The following CLSTN2 variants were observed in gnomAD, a reference collection of about 807,000 sequenced individuals.
CLSTN2 encodes the protein calsyntenin 2.
CLSTN2 carries 48 observed loss-of-function variants against 101.2 expected under a neutral mutation model. That is an observed-to-expected ratio of 0.47 (90% CI 0.38 to 0.60). The LOEUF is 0.60. Ranked by LOEUF, CLSTN2 falls within the 20% of genes least tolerant of loss-of-function variation. The pLI, the probability that CLSTN2 is intolerant of heterozygous loss-of-function variation, is 0.00. For missense variants in CLSTN2, 1,160 were observed against 1,238.2 expected, an observed-to-expected ratio of 0.94 and a Z score of 0.95; for synonymous variants, 481 against 463.6, an observed-to-expected ratio of 1.04 and a Z score of -0.48.
chr3:140,476,983 G>C (rs1934002164), intron 8 of CLSTN2, among the ~76,000 whole-genome samples: 1 of 152,136 alleles, frequency 6.6e-6, no homozygotes, highest in African/African-American at 2.4e-5. Context: ...TTGAAGCAAA[G>C]ATCACCTCGC....
chr3:140,200,771 C>A (rs2010708661), intron 2 of CLSTN2, among the ~76,000 whole-genome samples: 1 of 151,944 alleles, frequency 6.6e-6, no homozygotes, highest in African/African-American at 2.4e-5. Context: ...TTATTGAGTC[C>A]CTTGCTGGTC....
intron 2 of CLSTN2, among the ~76,000 whole-genome samples, chr3:140,188,658 T>C (rs1013387487): frequency 2.0e-5 from 3 of 152,212 alleles, no homozygotes; most frequent in African/African-American, 4.8e-5. Context: ...AAGAGACTGA[T>C]GCTACCCAGC....
chr3:140,459,579 T>C lies in CLSTN2; in HGVS notation c.1032T>C (p.Thr344=), dbSNP rs1472916279. ...CCCCTAGCGCTGCCACCAACTGGAC[T>C]GCAGGACTGCTGGTGGACAGCAGTG... ...LPSPSAATNW[T]AGLLVDSSEM... The change falls in exon 7 of 17, where the codon ACT becomes ACC. Residue 344 remains threonine (T), a synonymous_variant. Coordinates refer to ENST00000458420, the MANE Select transcript of CLSTN2 (RefSeq NM_022131.3). 6 of 1,614,030 alleles carry C rather than the reference T, an allele frequency of 3.7e-6. No homozygotes were observed. The African/African-American group carries it at 8.0e-5, about 22-fold the overall frequency.
At chr3:140,095,857 T>G (rs1560093162) in intron 1 of CLSTN2, among the ~76,000 whole-genome samples, 1 of 152,130 alleles carries the variant, frequency 6.6e-6, no homozygotes. Context: ...AAATTAGTGT[T>G]AGGACGCGCA....
At chr3:140,184,297 T>C (rs2010453842) in intron 2 of CLSTN2, among the ~76,000 whole-genome samples, 1 of 152,210 alleles carries the variant, frequency 6.6e-6, no homozygotes, top group Non-Finnish European at 1.5e-5. Context: ...TCCCTGAGAC[T>C]GGGTAACTTA....
chr3:140,448,565 C>T lies in CLSTN2; in HGVS notation c.834C>T (p.Pro278=). 1.4e-5 allele frequency: 23 copies of T among 1,614,038 alleles called. No individual in the cohort carries two copies. The highest frequency in any genetic ancestry group is 1.6e-4 in the Middle Eastern group (1 of 6,062). The change falls in exon 6 of 17, where the codon CCC becomes CCT. Residue 278 remains proline, a synonymous_variant. Transcript: ENST00000458420. ...IEYQPGSGSM[P]LFPSIHLETC... Reference sequence around the variant, plus strand: ...ACCAGCCTGGCTCCGGGAGCATGCCCCTGTTCCCCAGCATCCACCTGGAGA... The same window carrying T: ...ACCAGCCTGGCTCCGGGAGCATGCCTCTGTTCCCCAGCATCCACCTGGAGA...
intron 1 of CLSTN2, among the ~76,000 whole-genome samples, chr3:140,081,294 G>T (rs530411171): frequency 6.6e-6 from 1 of 152,094 alleles, no homozygotes; most frequent in Non-Finnish European, 1.5e-5. Context: ...GAATACGAAA[G>T]TATTGACAGC....
chr3:140,312,287 A>G (rs896430540), intron 2 of CLSTN2, among the ~76,000 whole-genome samples: 3 of 152,224 alleles, frequency 2.0e-5, no homozygotes, highest in Non-Finnish European at 2.9e-5. Flanking sequence ...TTTGGCATGT[A>G]TGGATTCTGC....
chr3:140,127,341 G>A (rs1279521121), intron 1 of CLSTN2, among the ~76,000 whole-genome samples: 1 of 152,150 alleles, frequency 6.6e-6, no homozygotes, highest in East Asian at 1.9e-4. Context: ...GAATTGTCAT[G>A]AGGCTTAGCT....
rs573860965 is a variant in CLSTN2 at position 140,254,977 on chromosome 3, CA to C, written c.232+78908del. Among the ~76,000 whole-genome samples the C allele has an allele frequency of 4.7e-3, 721 of 152,136 alleles. 4 individuals are homozygous for C. The highest frequency in any genetic ancestry group is 0.016 in the African/African-American group (678 of 41,530). On this transcript the variant is annotated intron_variant, in intron 2 of 16. Transcript: ENST00000458420. ...CAACAAACAAAAAACAACCCCATTA[CA>C]AAATGGGCAAAGGATATGAACAGAC... is the stretch of plus-strand genomic sequence containing the variant.
chr3:140,482,578 T>C (rs1329431297), intron 8 of CLSTN2, among the ~76,000 whole-genome samples: 1 of 152,142 alleles, frequency 6.6e-6, no homozygotes, highest in African/African-American at 2.4e-5. Context: ...GTCCTGGACT[T>C]TTTTTGGTTG....
At chr3:140,222,569 C>T (rs889695024) in intron 2 of CLSTN2, among the ~76,000 whole-genome samples, 1 of 152,124 alleles carries the variant, frequency 6.6e-6, no homozygotes, top group Non-Finnish European at 1.5e-5. Context: ...TATATCAAAA[C>T]ATCTCATGAA....
chr3:139,959,086 G>C (rs147832365), intron 1 of CLSTN2, among the ~76,000 whole-genome samples: 5 of 152,100 alleles, frequency 3.3e-5, no homozygotes, highest in Non-Finnish European at 7.4e-5. Context: ...TCTACCTTGG[G>C]CAATCTCACT....
At chr3:139,986,079 T>C (rs1184505965) in intron 1 of CLSTN2, among the ~76,000 whole-genome samples, 1 of 152,308 alleles carries the variant, frequency 6.6e-6, no homozygotes, top group Admixed American at 6.5e-5. Context: ...CTTTAGCATC[T>C]CTTTCTCAAG....
At chr3:140,202,217 A>T (rs78899199) in intron 2 of CLSTN2, among the ~76,000 whole-genome samples, 3,270 of 152,302 alleles carry the variant, frequency 0.021, 122 homozygotes, top group African/African-American at 0.074. Context: ...CTCTGCTCCT[A>T]TATTGAGAAG....
intron 8 of CLSTN2, among the ~76,000 whole-genome samples, chr3:140,486,813 C>G (rs1934249637): frequency 6.6e-6 from 1 of 152,186 alleles, no homozygotes; most frequent in Non-Finnish European, 1.5e-5. Context: ...GTCTCACCTT[C>G]AAACCCTGAA....
At chr3:140,459,483 T>C (rs1933502793) in intron 6 of CLSTN2, 38 bp from the exon 7 acceptor site, 1 of 1,609,540 alleles carries the variant, frequency 6.2e-7, no homozygotes, top group African/African-American at 1.3e-5. Context: ...GGACACCGCA[T>C]CATGACCTGT....
chr3:139,939,184 C>G (rs1935081030), intron 1 of CLSTN2, among the ~76,000 whole-genome samples: 1 of 152,122 alleles, frequency 6.6e-6, no homozygotes, highest in Non-Finnish European at 1.5e-5. Flanking sequence ...ATTATAACAA[C>G]AGTATGGTGT....
At chr3:140,444,259 G>A (rs1257938042) in intron 5 of CLSTN2, among the ~76,000 whole-genome samples, 2 of 152,004 alleles carry the variant, frequency 1.3e-5, no homozygotes, top group African/African-American at 2.4e-5. Context: ...GTGAAATCCC[G>A]TCTCTACTAA....
Sources: allele counts gnomAD v4.1 joint callset (sites outside exome capture counted in the v4.1 genomes callset), GRCh38; gene constraint gnomAD v4.1.1; transcripts MANE v1.5; gene names NCBI Gene and HGNC (gene_info 2026-07-23, HGNC 2026-07-21).